ANKS1A: variants seen among roughly 807,000 people sequenced by gnomAD.
ANKS1A encodes the protein ankyrin repeat and SAM domain-containing protein 1A.
A neutral mutation model predicts 120.3 loss-of-function variants in ANKS1A; 55 were observed. That is an observed-to-expected ratio of 0.46 (90% CI 0.37 to 0.57). The LOEUF is 0.57. Among genes scored for constraint, ANKS1A ranks in the 20% least tolerant of loss-of-function variants. ANKS1A has a pLI of 0.00. For missense variants in ANKS1A, 1,123 were observed against 1,480.3 expected (o/e 0.76, Z 3.96); for synonymous variants, 590 against 604.7 (o/e 0.98, Z 0.36).
At chr6:34,956,263 A>T (rs1770354453) in intron 1 of ANKS1A, among the ~76,000 whole-genome samples, 1 of 151,002 alleles carries the variant, frequency 6.6e-6, no homozygotes, top group African/African-American at 2.4e-5. Context: ...TTTGTTTTTT[A>T]ATCCTGTTCT....
intron 12 of ANKS1A, among the ~76,000 whole-genome samples, chr6:35,055,373 A>G (rs149122753): frequency 0.014 from 2,108 of 151,866 alleles, 32 homozygotes; most frequent in Non-Finnish European, 0.017. Flanking sequence ...TCTGTCACCC[A>G]GGCTGGAGAG....
At chr6:35,075,762 CACACTT>C (rs747768917) in intron 13 of ANKS1A, among the ~76,000 whole-genome samples, 3 of 152,116 alleles carry the variant, frequency 2.0e-5, no homozygotes, top group African/African-American at 4.8e-5. Flanking sequence ...CACATACACA[CACACTT>C]GTGCACACAC....
intron 11 of ANKS1A, among the ~76,000 whole-genome samples, chr6:35,040,309 C>T (rs1775392544): frequency 6.6e-6 from 1 of 152,236 alleles, no homozygotes. Flanking sequence ...TTGAGAGATT[C>T]ATGTGGATAA....
chr6:34,919,691 T>A (rs1482882442), intron 1 of ANKS1A, among the ~76,000 whole-genome samples: 1 of 152,230 alleles, frequency 6.6e-6, no homozygotes, highest in Admixed American at 6.5e-5. Flanking sequence ...TCTTAACCTC[T>A]TTGGTTCATC....
At chr6:35,074,569 TA>T (rs991099404) in intron 13 of ANKS1A, among the ~76,000 whole-genome samples, 7 of 151,318 alleles carry the variant, frequency 4.6e-5, no homozygotes, top group African/African-American at 9.7e-5. Context: ...ACTCCACTTT[TA>T]AAAAAAAAGT....
At chr6:34,976,212 T>C (rs893498218) in intron 3 of ANKS1A, among the ~76,000 whole-genome samples, 2 of 151,898 alleles carry the variant, frequency 1.3e-5, no homozygotes, top group East Asian at 3.9e-4. Flanking sequence ...TTTTTATAGA[T>C]CTGGCTTATG....
At chr6:35,066,975 G>A (rs2127595699) in intron 13 of ANKS1A, among the ~76,000 whole-genome samples, 1 of 152,282 alleles carries the variant, frequency 6.6e-6, no homozygotes, top group South Asian at 2.1e-4. Context: ...CTGTGAGGCA[G>A]GCGGTTCCAC....
At chr6:35,097,211 T>A in the ANKS1A span, among the ~76,000 whole-genome samples, 2 of 151,856 alleles carry the variant, frequency 1.3e-5, no homozygotes, top group Non-Finnish European at 2.9e-5. Flanking sequence ...GAAAAAGAAC[T>A]AGGTAAATGC....
intron 10 of ANKS1A, among the ~76,000 whole-genome samples, chr6:35,016,611 T>A (rs1326945883): frequency 6.6e-6 from 1 of 152,082 alleles, no homozygotes; most frequent in Admixed American, 6.6e-5. Context: ...TAGTGTCAGA[T>A]TTCTAGGATG....
intron 13 of ANKS1A, among the ~76,000 whole-genome samples, chr6:35,078,147 G>A (rs900535420): frequency 6.6e-6 from 1 of 152,152 alleles, no homozygotes; most frequent in Non-Finnish European, 1.5e-5. Context: ...CCAGCCACCC[G>A]CCTGAGGTGG....
chr6:34,946,451 G>C (rs1017975848), intron 1 of ANKS1A, among the ~76,000 whole-genome samples: 2 of 151,998 alleles, frequency 1.3e-5, no homozygotes, highest in Admixed American at 6.5e-5. Flanking sequence ...AGTCGGGCAT[G>C]GTGGTGTGTG....
intron 11 of ANKS1A, among the ~76,000 whole-genome samples, chr6:35,046,567 A>G (rs993625019): frequency 6.6e-6 from 1 of 152,204 alleles, no homozygotes; most frequent in Non-Finnish European, 1.5e-5. Context: ...CACGTAGGGC[A>G]TGGATTCTAT....
chr6:35,025,270 A>AT (rs1036131111), intron 11 of ANKS1A, among the ~76,000 whole-genome samples: 2 of 151,166 alleles, frequency 1.3e-5, no homozygotes, highest in East Asian at 2.0e-4. Context: ...ACACACACAC[A>AT]CGCATATATG....
chr6:34,938,377 T>C lies in ANKS1A; in HGVS notation c.198-28862T>C, dbSNP rs372739244. On this transcript the variant is annotated intron_variant, in intron 1 of 23. Coordinates refer to ENST00000360359, the MANE Select transcript of ANKS1A (RefSeq NM_015245.3). Reference sequence around the variant, plus strand: ...CCTTTGAGGAATGGAGTGAAATTGCTCTGTAGAAAAGGCTGTGTCATTGCC... The same window carrying C: ...CCTTTGAGGAATGGAGTGAAATTGCCCTGTAGAAAAGGCTGTGTCATTGCC... 2.6e-5 allele frequency among the ~76,000 whole-genome samples: 4 copies of C among 152,288 alleles called. No individual in the cohort carries two copies. In the South Asian group the frequency reaches 8.3e-4, roughly 32 times the overall value.
intron 11 of ANKS1A, among the ~76,000 whole-genome samples, chr6:35,037,228 C>T (rs928074283): frequency 1.3e-5 from 2 of 151,966 alleles, no homozygotes; most frequent in African/African-American, 4.8e-5. Context: ...ATAGTTTTTC[C>T]CTATTAGCTT....
intron 1 of ANKS1A, among the ~76,000 whole-genome samples, chr6:34,904,065 G>C (rs1430525868): frequency 2.0e-5 from 3 of 152,266 alleles, no homozygotes; most frequent in African/African-American, 7.2e-5. Context: ...TCGTCCCTCA[G>C]TCTCCATGGG....
chr6:34,921,397 A>G (rs950905140), intron 1 of ANKS1A, among the ~76,000 whole-genome samples: 1 of 152,236 alleles, frequency 6.6e-6, no homozygotes, highest in African/African-American at 2.4e-5. Flanking sequence ...CCCTGTAGAA[A>G]GCCTTTAGAT....
At chr6:34,918,932 A>G (rs1419517362) in intron 1 of ANKS1A, among the ~76,000 whole-genome samples, 1 of 152,138 alleles carries the variant, frequency 6.6e-6, no homozygotes, top group Non-Finnish European at 1.5e-5. Flanking sequence ...GCTCACTGCA[A>G]CACCCGCCTC....
In ANKS1A at chr6:35,069,967, C is replaced by T. The variant is rs183297209; in HGVS notation, c.2185-8591C>T. Among the ~76,000 whole-genome samples the T allele has an allele frequency of 4.5e-3, 606 of 135,332 alleles. 4 individuals are homozygous for T. Among genetic ancestry groups the T allele is most frequent in the South Asian group, 0.022 (83 of 3,812 alleles). 88.8% of individuals were successfully genotyped at this position (135,332 alleles called of 152,430 possible). A position where few individuals can be genotyped will look rare whatever the true frequency, so the allele number is the denominator to read the frequency against. Reference sequence around the variant, plus strand: ...GCTTGAACCTGGGAGGTGGAAGTTGCGGTGAGCCAAGATTGTGCCATTGCA... The same window carrying T: ...GCTTGAACCTGGGAGGTGGAAGTTGTGGTGAGCCAAGATTGTGCCATTGCA... On this transcript the variant is annotated intron_variant, in intron 13 of 23. Coordinates refer to ENST00000360359, the MANE Select transcript of ANKS1A (RefSeq NM_015245.3).
Sources: allele counts gnomAD v4.1 joint callset (sites outside exome capture counted in the v4.1 genomes callset), GRCh38; gene constraint gnomAD v4.1.1; transcripts MANE v1.5; gene names NCBI Gene and HGNC (gene_info 2026-07-23, HGNC 2026-07-21).